Variants in DNAH12 observed in about 807,000 individuals in gnomAD.
DNAH12 encodes dynein axonemal heavy chain 12.
DNAH12 carries 285 observed loss-of-function variants against 371.5 expected under a neutral mutation model. That is an observed-to-expected ratio of 0.77 (90% confidence interval 0.70 to 0.85). The LOEUF (loss-of-function observed/expected upper bound fraction) is 0.85. DNAH12 is among the 40% of genes least tolerant of loss of function. The pLI, the probability that DNAH12 is intolerant of heterozygous loss-of-function variation, is 0.00. For synonymous variants in DNAH12, 1,200 were observed against 1,213.0 expected (o/e 0.99, Z 0.22); for missense variants, 3,611 against 3,689.4 (o/e 0.98, Z 0.55).
the DNAH12 span, among the ~76,000 whole-genome samples, chr3:57,550,870 G>T: frequency 4.9e-3 from 737 of 150,990 alleles, 7 homozygotes; most frequent in Non-Finnish European, 6.0e-3. Flanking sequence ...TGTTTCAGTG[G>T]CTAGAAACAA....
chr3:57,331,696 T>C (rs2062100375), intron 62 of DNAH12, among the ~76,000 whole-genome samples: 1 of 152,142 alleles, frequency 6.6e-6, no homozygotes, highest in Non-Finnish European at 1.5e-5. Flanking sequence ...CTTCATATTT[T>C]TCATGGTGTA....
At chr3:57,476,999 G>A (rs6445889) in intron 13 of DNAH12, among the ~76,000 whole-genome samples, 101,430 of 151,794 alleles carry the variant, frequency 0.67, 34,132 homozygotes, top group South Asian at 0.75. Flanking sequence ...CAGTGTGAGC[G>A]ACGCAGAAGA....
At chr3:57,357,464 G>A (rs1438452428) in intron 58 of DNAH12, 116 bp from the exon 59 acceptor site, 2 of 152,106 alleles carry the variant, frequency 1.3e-5, no homozygotes, top group Non-Finnish European at 1.5e-5. Flanking sequence ...CAGTATATGA[G>A]TTTAAGTATG....
intron 25 of DNAH12, among the ~76,000 whole-genome samples, chr3:57,447,997 G>A (rs964545841): frequency 2.0e-5 from 3 of 152,114 alleles, no homozygotes; most frequent in Admixed American, 1.3e-4. Context: ...ATTTATAATG[G>A]ATGCCATATT....
At position 57,367,126 on chromosome 3, in the gene DNAH12, A is replaced by G. The variant is rs934418119; in HGVS notation, c.8975-205T>C. 1.4e-4 allele frequency among the ~76,000 whole-genome samples: 22 copies of G among 152,110 alleles called. 1 individual carries two copies. The highest frequency in any genetic ancestry group is 1.4e-3 in the Admixed American group (22 of 15,266). Reference sequence around the variant, plus strand: ...GTGGATCACTGGAGGTAAGGAGTTCAACACCAGCCTGGCCAACATGGTGAA... The same window carrying G: ...GTGGATCACTGGAGGTAAGGAGTTCGACACCAGCCTGGCCAACATGGTGAA... On this transcript the variant is annotated intron_variant, in intron 56 of 73. Coordinates refer to ENST00000495027, the MANE Select transcript of DNAH12 (RefSeq NM_001366028.2).
Position 57,302,532 on chromosome 3 carries a change from TATATATATATATATA to T in DNAH12, c.11190-608_11190-594del, listed in dbSNP as rs2061370960. Among the ~76,000 whole-genome samples the T allele has an allele frequency of 4.4e-3, 168 of 37,856 alleles. 11 individuals are homozygous for T. Among genetic ancestry groups the T allele is most frequent in the Middle Eastern group, 0.016 (1 of 62 alleles). The allele number at this position is 37,856 out of a possible 152,430, so 24.8% of individuals were successfully genotyped here. A position where few individuals can be genotyped will look rare whatever the true frequency, so the allele number is the denominator to read the frequency against. On this transcript the variant is annotated intron_variant, in intron 69 of 73. Coordinates refer to ENST00000495027, the MANE Select transcript of DNAH12 (RefSeq NM_001366028.2). ...TGAATTAACTAAGGCATCAGGTGTA[TATATATATATATATA>T]TATATATATATATATATGTATTTTT...
chr3:57,543,050 T>A, intron 1 of DNAH12, 147 bp from the exon 2 acceptor site: 1 of 550,422 alleles, frequency 1.8e-6, no homozygotes, highest in Non-Finnish European at 2.8e-6. Flanking sequence ...AGAATGACAG[T>A]TGAGGTAAGT....
intron 35 of DNAH12, among the ~76,000 whole-genome samples, chr3:57,424,469 T>TTA (rs2064694474): frequency 2.2e-5 from 1 of 44,752 alleles, no homozygotes; most frequent in Non-Finnish European, 3.8e-5. Flanking sequence ...AGATTCCATC[T>TTA]CAAAAAAAAA....
At chr3:57,460,052 C>G (rs116784017) in intron 19 of DNAH12, among the ~76,000 whole-genome samples, 291 of 151,674 alleles carry the variant, frequency 1.9e-3, no homozygotes, top group African/African-American at 6.7e-3. Flanking sequence ...TCTGGAGTCC[C>G]AAAACCATCC....
Position 57,423,034 on chromosome 3 carries a change from C to T in DNAH12, c.5374-1328G>A, listed in dbSNP as rs569777754. On this transcript the variant is annotated intron_variant, in intron 35 of 73. Coordinates refer to ENST00000495027, the MANE Select transcript of DNAH12 (RefSeq NM_001366028.2). ...ACTTCTAGAATTCTATATAGGGCAC[C>T]GGCAATATTAGCTGCCTTCAGTGTG... is the stretch of plus-strand genomic sequence containing the variant. Among the ~76,000 whole-genome samples, 10 of 151,922 alleles carry T rather than the reference C, an allele frequency of 6.6e-5. No individual in the cohort carries two copies. The South Asian group carries it at 8.3e-4, about 13-fold the overall frequency.
the DNAH12 span, among the ~76,000 whole-genome samples, chr3:57,554,517 A>C: frequency 6.6e-6 from 1 of 152,096 alleles, no homozygotes; most frequent in Non-Finnish European, 1.5e-5. Context: ...GTGGATGCAT[A>C]TCTTTCTTAT....
chr3:57,501,452 T>A, intron 10 of DNAH12, 40 bp from the exon 11 acceptor site: 1 of 1,463,988 alleles, frequency 6.8e-7, no homozygotes, highest in Non-Finnish European at 9.3e-7. Flanking sequence ...AATAATACCC[T>A]TTTTAGAAGA....
At chr3:57,329,807 T>C (rs1251960809) in intron 62 of DNAH12, among the ~76,000 whole-genome samples, 4 of 152,146 alleles carry the variant, frequency 2.6e-5, no homozygotes, top group Non-Finnish European at 5.9e-5. Flanking sequence ...TTTCGCAACC[T>C]ACTTATCTGA....
At chr3:57,485,330 C>T (rs367860096) in intron 12 of DNAH12, among the ~76,000 whole-genome samples, 9 of 152,132 alleles carry the variant, frequency 5.9e-5, no homozygotes, top group African/African-American at 1.9e-4. Flanking sequence ...ATAGACACCA[C>T]GGAATACTAC....
At chr3:57,533,309 C>A (rs892362548) in intron 2 of DNAH12, among the ~76,000 whole-genome samples, 2 of 152,164 alleles carry the variant, frequency 1.3e-5, no homozygotes, top group Non-Finnish European at 2.9e-5. Flanking sequence ...ACCCCAAGAG[C>A]CCGCTTGGTG....
intron 27 of DNAH12, among the ~76,000 whole-genome samples, chr3:57,445,784 C>G (rs2065472738): frequency 6.6e-6 from 1 of 151,830 alleles, no homozygotes; most frequent in Non-Finnish European, 1.5e-5. Flanking sequence ...GTCAGGAGAT[C>G]AAGACCATCC....
At position 57,323,617 on chromosome 3, in the gene DNAH12, T is replaced by C. The variant is rs1249578623; in HGVS notation, c.9981A>G (p.Ile3327Met). The C allele has an allele frequency of 3.2e-6, 5 of 1,539,050 alleles. No individual in the cohort carries two copies. The highest frequency in any genetic ancestry group is 3.5e-6 in the Non-Finnish European group (4 of 1,143,418). ...TTACATAGTTTGTTATAGCTGGGGT[T>C]ATCTGTTGAAGAGAAAAGATATGAT... is the stretch of plus-strand genomic sequence containing the variant. ...IILRCLRPDK[I>M]TPAITNYVTD... Residue 3327 changes from isoleucine (I) to methionine (M), a missense_variant and splice_region_variant, in exon 63 of 74, where the codon ATA becomes ATG. Ile to Met is a conservative substitution (Grantham distance 10, BLOSUM62 1). Coordinates refer to ENST00000495027, the MANE Select transcript of DNAH12 (RefSeq NM_001366028.2).
chr3:57,295,180 C>T (rs1361121544), intron 73 of DNAH12, among the ~76,000 whole-genome samples: 1 of 152,086 alleles, frequency 6.6e-6, no homozygotes, highest in African/African-American at 2.4e-5. Flanking sequence ...CTGTGTCAAG[C>T]TAATTTGTGC....
intron 60 of DNAH12, 48 bp from the exon 61 acceptor site, chr3:57,334,988 T>C: frequency 6.6e-7 from 1 of 1,507,598 alleles, no homozygotes; most frequent in Non-Finnish European, 8.9e-7. Context: ...ATTTTAAAAT[T>C]GAATGATGTC....
Sources: gnomAD v4.1 joint callset for allele counts (sites outside exome capture counted in the v4.1 genomes callset) on GRCh38, gnomAD v4.1.1 for gene constraint, MANE v1.5 for transcripts, NCBI Gene and HGNC (gene_info 2026-07-23, HGNC 2026-07-21) for gene names.